EIF4G2: variants seen among roughly 807,000 people sequenced by gnomAD.
EIF4G2 encodes the protein DAP-5.
Under a neutral mutation model 117.7 loss-of-function variants are expected in EIF4G2, and 8 were observed. The ratio of observed to expected loss-of-function variants is 0.07; its 90% CI spans 0.04 to 0.12. The LOEUF (loss-of-function observed/expected upper bound fraction) is 0.12. EIF4G2 is among the 10% of genes least tolerant of loss of function. The pLI is 1.00. For synonymous variants in EIF4G2, 413 were observed against 367.8 expected (o/e 1.12, Z -1.41); for missense variants, 812 against 1,086.2 (o/e 0.75, Z 3.55).
In EIF4G2 at chr11:10,799,721, A is replaced by T. The variant is rs369424193; in HGVS notation, c.2155T>A (p.Leu719Met). ...AAGAAACTCAGTCCCTTTCCTTCCA[A>T]AATCTCCAACATGCGGTCCTTATTC... Residue 719 changes from leucine to methionine, a missense_variant, in exon 19 of 22, where the codon TTG becomes ATG. Physicochemically the swap from Leu to Met is conservative, Grantham distance 15 (BLOSUM62 2). Transcript: ENST00000339995. The T allele has an allele frequency of 6.2e-7, 1 of 1,614,064 alleles. No homozygotes were observed. Among genetic ancestry groups the T allele is most frequent in the Non-Finnish European group, 8.5e-7 (1 of 1,179,998 alleles).
chr11:10,799,643 G>C lies in EIF4G2; in HGVS notation c.2233C>G (p.Pro745Ala). 1 of 1,614,144 alleles carries C rather than the reference G, an allele frequency of 6.2e-7. No individual in the cohort carries two copies. The highest frequency in any genetic ancestry group is 1.6e-4 in the Middle Eastern group (1 of 6,062). Reference sequence around the variant, plus strand: ...CATTTATATATGGTTTGAGGGGATGGATCCAACTTTATTTGCTTCAACAGT... The same window carrying C: ...CATTTATATATGGTTTGAGGGGATGCATCCAACTTTATTTGCTTCAACAGT... Residue 745 changes from proline to alanine, a missense_variant, in exon 19 of 22, where the codon CCA becomes GCA. Pro to Ala is a conservative substitution (Grantham distance 27). Coordinates refer to ENST00000339995, the MANE Select transcript of EIF4G2 (RefSeq NM_001418.4).
At chr11:10,808,489 C>G (rs1479732959) in intron 1 of EIF4G2, 1 of 1,247,174 alleles carries the variant, frequency 8.0e-7, no homozygotes, top group Non-Finnish European at 1.0e-6. Flanking sequence ...GGCGGCCTGG[C>G]CAACACTGAC....
At chr11:10,808,237 C>A (rs1341587063) in intron 1 of EIF4G2, 13 of 1,147,686 alleles carry the variant, frequency 1.1e-5, no homozygotes, top group Non-Finnish European at 1.4e-5. Context: ...CTTTCCTCCC[C>A]GACGAAGGGC....
chr11:10,801,504 T>A, intron 14 of EIF4G2, 157 bp downstream of exon 14: 1 of 813,358 alleles, frequency 1.2e-6, no homozygotes, highest in Non-Finnish European at 2.2e-6. Flanking sequence ...CACAGGACGC[T>A]GGACATTCAA....
chr11:10,808,471 G>A, intron 1 of EIF4G2: 1 of 1,257,688 alleles, frequency 8.0e-7, no homozygotes, highest in Non-Finnish European at 1.0e-6. Flanking sequence ...ATCCGGCCAT[G>A]ACCGCACGGC....
In EIF4G2 at chr11:10,799,128, A is replaced by AAG; in HGVS notation, c.2537-16_2537-15insCT. On this transcript the variant is annotated splice_polypyrimidine_tract_variant and intron_variant, in intron 20 of 21. Transcript: ENST00000339995. ...AAGTAACATGCCTTAAAAAAAAAAA[A>AAG]AAAAAGAAAAAAGTAATAAGCCCAT... 1 of 1,576,952 alleles carries AAG rather than the reference A, an allele frequency of 6.3e-7. No homozygotes were observed. Among genetic ancestry groups the AAG allele is most frequent in the East Asian group, 2.2e-5 (1 of 44,734 alleles).
Position 10,800,564 on chromosome 11 carries a change from G to A in EIF4G2, c.1728C>T (p.His576=). 1.9e-6 allele frequency: 3 copies of A among 1,614,136 alleles called. No homozygotes were observed. Among genetic ancestry groups the A allele is most frequent in the Non-Finnish European group, 1.7e-6 (2 of 1,180,032 alleles). The change falls in exon 17 of 22, where the codon CAC becomes CAT. Residue 576 remains histidine (H), a synonymous_variant. Coordinates refer to ENST00000339995, the MANE Select transcript of EIF4G2 (RefSeq NM_001418.4). The stretch of plus-strand genomic sequence containing the variant: ...CTTTGCTTAACATCTCAGGAAGAAA[G>A]TGTTTAGGAGCCCTCATTTCTCTTA...
intron 2 of EIF4G2, 84 bp downstream of exon 2, chr11:10,807,171 A>G: frequency 6.5e-7 from 1 of 1,527,060 alleles, no homozygotes; most frequent in Middle Eastern, 1.8e-4. Context: ...ATTGCAGCCC[A>G]TTAAGTCGGA....
Position 10,797,804 on chromosome 11 carries a change from T to C in EIF4G2, c.*12A>G. 1.2e-6 allele frequency: 2 copies of C among 1,613,920 alleles called. No individual in the cohort carries two copies. Among genetic ancestry groups the C allele is most frequent in the Non-Finnish European group, 1.7e-6 (2 of 1,179,954 alleles). On this transcript the variant is annotated 3_prime_UTR_variant, in exon 22 of 22. Transcript: ENST00000339995. This position sits in a 1 kb window ranked among gnomAD's most constrained non-coding sequence, Gnocchi z 4.5. ...AGTATGTTTTGCACAATTTAAGGCT[T>C]TGGCTGGTTCTTTAGTCAGCTTCTT...
Position 10,802,334 on chromosome 11 carries a change from G to A in EIF4G2, c.1098C>T (p.Asp366=), listed in dbSNP as rs984835905. The stretch of plus-strand genomic sequence containing the variant: ...ACATATCAGCAAGTCCTCCAAGTGG[G>A]TCCCTATCCATTTTCATCCTGGGTG... The change falls in exon 12 of 22, where the codon GAC becomes GAT. Residue 366 remains aspartate, a synonymous_variant. Transcript: ENST00000339995. 4.3e-6 allele frequency: 7 copies of A among 1,613,758 alleles called. No homozygotes were observed. Among genetic ancestry groups the A allele is most frequent in the Non-Finnish European group, 5.1e-6 (6 of 1,179,920 alleles).
chr11:10,805,484 C>T (rs529167574), intron 4 of EIF4G2, among the ~76,000 whole-genome samples: 6 of 151,724 alleles, frequency 4.0e-5, no homozygotes, highest in African/African-American at 1.4e-4. Context: ...CACAGTCTTG[C>T]TCTGCACCCA....
chr11:10,806,074 C>A, intron 3 of EIF4G2, 27 bp from the exon 4 acceptor site: 1 of 1,613,774 alleles, frequency 6.2e-7, no homozygotes, highest in Non-Finnish European at 8.5e-7. Context: ...AGCAAAAACA[C>A]TTATTGTCAC....
rs895399515 is a variant in EIF4G2 at position 10,807,124 on chromosome 11, G to A, written c.41+131C>T. The A allele has an allele frequency of 4.4e-6, 6 of 1,359,798 alleles. No individual in the cohort carries two copies. In the African/African-American group the frequency reaches 8.8e-5, roughly 20 times the overall value. 84.2% of individuals were successfully genotyped at this position (1,359,798 alleles called of 1,614,324 possible). A position where few individuals can be genotyped will look rare whatever the true frequency, so the allele number is the denominator to read the frequency against. ...ATTCTTCAGATGGCAGTTCTTAGAA[G>A]GCTGTCAATGAAAACTTAAGAACTT... On this transcript the variant is annotated intron_variant, in intron 2 of 21. Coordinates refer to ENST00000339995, the MANE Select transcript of EIF4G2 (RefSeq NM_001418.4).
At position 10,802,290 on chromosome 11, in the gene EIF4G2, T is replaced by C. The variant is rs755668661; in HGVS notation, c.1138+4A>G. On this transcript the variant is annotated splice_donor_region_variant and intron_variant, in intron 12 of 21. Transcript: ENST00000339995. The stretch of plus-strand genomic sequence containing the variant: ...TAACGCAACCATTGTTTTTTCAAAA[T>C]TACCTGGCATTTGTCCAAACATATC... The C allele has an allele frequency of 6.2e-6, 10 of 1,611,370 alleles. No individual in the cohort carries two copies. The highest frequency in any genetic ancestry group is 2.7e-5 in the African/African-American group (2 of 74,708).
chr11:10,805,027 G>A lies in EIF4G2; in HGVS notation c.249-12C>T, dbSNP rs748170600. The A allele has an allele frequency of 2.6e-5, 41 of 1,596,868 alleles. No homozygotes were observed. Among genetic ancestry groups the A allele is most frequent in the Non-Finnish European group, 3.4e-5 (40 of 1,164,660 alleles). ...GCTTATTTAGTATGCTGGAGAAAAA[G>A]GAATTACATTTTAAGTGTTAGCTAA... On this transcript the variant is annotated splice_polypyrimidine_tract_variant and intron_variant, in intron 4 of 21. Coordinates refer to ENST00000339995, the MANE Select transcript of EIF4G2 (RefSeq NM_001418.4).
rs1847521209 is a variant in EIF4G2, at chr11:10,804,921, T to C, written c.343A>G (p.Ile115Val). ...CAATATTTAAAACTTACCAGCAGTA[T>C]GACCCCTTTAAGGATGAGTTTAGAC... Residue 115 changes from isoleucine to valine, a missense_variant, in exon 5 of 22, where the codon ATA becomes GTA. Ile to Val is a conservative substitution (Grantham distance 29). Transcript: ENST00000339995. 1.2e-6 allele frequency: 2 copies of C among 1,613,548 alleles called. No individual in the cohort carries two copies. Among genetic ancestry groups the C allele is most frequent in the Non-Finnish European group, 1.7e-6 (2 of 1,179,490 alleles).
chr11:10,798,165 G>A (rs950954998), intron 21 of EIF4G2, among the ~76,000 whole-genome samples: 2 of 152,102 alleles, frequency 1.3e-5, no homozygotes, highest in South Asian at 4.1e-4. Flanking sequence ...TGGGCCCCCT[G>A]GAAAACTAGT....
intron 18 of EIF4G2, 68 bp downstream of exon 18, chr11:10,800,022 C>T: frequency 6.5e-7 from 1 of 1,545,290 alleles, no homozygotes; most frequent in South Asian, 1.2e-5. Context: ...CATAAATCCA[C>T]TCAAGGTACC....
intron 12 of EIF4G2, 32 bp downstream of exon 12, chr11:10,802,262 G>C: frequency 6.2e-7 from 1 of 1,611,670 alleles, no homozygotes; most frequent in Non-Finnish European, 8.5e-7. Flanking sequence ...TGATTTTTCA[G>C]CTTAACGCAA....
Sources: allele counts gnomAD v4.1 joint callset (sites outside exome capture counted in the v4.1 genomes callset), GRCh38; gene constraint gnomAD v4.1.1; non-coding constraint Gnocchi (gnomAD v3.1); transcripts MANE v1.5; gene names NCBI Gene and HGNC (gene_info 2026-07-23, HGNC 2026-07-21).